GALNT13: variants seen among roughly 807,000 people sequenced by gnomAD.
GALNT13 encodes the protein polypeptide N-acetylgalactosaminyltransferase 13.
GALNT13 carries 28 observed loss-of-function variants against 64.2 expected under a neutral mutation model. That is an observed-to-expected ratio of 0.44 (90% CI 0.32 to 0.60). GALNT13 has a LOEUF of 0.60. GALNT13 is among the 20% of genes least tolerant of loss of function. The pLI is 0.05. For synonymous variants in GALNT13, 214 were observed against 224.6 expected (o/e 0.95, Z 0.42); for missense variants, 577 against 669.8 (o/e 0.86, Z 1.53).
chr2:153,571,226 T>C, the GALNT13 span, among the ~76,000 whole-genome samples: 34 of 152,076 alleles, frequency 2.2e-4, no homozygotes, highest in African/African-American at 7.5e-4. Context: ...CTATTTTAAA[T>C]GGGATTAGTT....
At chr2:153,364,916 A>G in the GALNT13 span, among the ~76,000 whole-genome samples, 1 of 152,190 alleles carries the variant, frequency 6.6e-6, no homozygotes, top group Non-Finnish European at 1.5e-5. Flanking sequence ...TGGAACCAAA[A>G]AGAGCCCATG....
At chr2:153,733,429 A>G in the GALNT13 span, among the ~76,000 whole-genome samples, 50 of 152,262 alleles carry the variant, frequency 3.3e-4, no homozygotes, top group East Asian at 7.2e-3. Flanking sequence ...GCTTCAATAA[A>G]TATATGTAGA....
chr2:154,052,467 C>G (rs1003753570), intron 3 of GALNT13, among the ~76,000 whole-genome samples: 8 of 152,096 alleles, frequency 5.3e-5, no homozygotes. Context: ...TTTTTCTTCT[C>G]AAACTGTCTT....
At chr2:153,780,242 T>TATATATGC in the GALNT13 span, among the ~76,000 whole-genome samples, 3 of 78,498 alleles carry the variant, frequency 3.8e-5, no homozygotes, top group Admixed American at 1.2e-4. Flanking sequence ...TATATATATA[T>TATATATGC]ATATATATAT....
chr2:153,168,069 C>T, the GALNT13 span, among the ~76,000 whole-genome samples: 1 of 152,152 alleles, frequency 6.6e-6, no homozygotes, highest in Non-Finnish European at 1.5e-5. Context: ...AGGTTCCTAG[C>T]ATTTCTCTCT....
At chr2:153,912,215 C>A (rs185474466) in intron 2 of GALNT13, among the ~76,000 whole-genome samples, 1 of 151,888 alleles carries the variant, frequency 6.6e-6, no homozygotes, top group African/African-American at 2.4e-5. Flanking sequence ...CTTGCTATTG[C>A]GTTATGAAAT....
chr2:153,413,392 A>G, the GALNT13 span, among the ~76,000 whole-genome samples: 1 of 152,090 alleles, frequency 6.6e-6, no homozygotes, highest in Non-Finnish European at 1.5e-5. Context: ...TCCCTGAGCA[A>G]AACACCCTTG....
intron 8 of GALNT13, among the ~76,000 whole-genome samples, chr2:154,298,480 ATT>A (rs1693079260): frequency 8.0e-6 from 1 of 125,234 alleles, no homozygotes; most frequent in African/African-American, 2.9e-5. Flanking sequence ...TTATATATAA[ATT>A]ATATATAAAT....
chr2:154,409,570 G>A (rs1243328694), intron 11 of GALNT13, among the ~76,000 whole-genome samples: 1 of 151,954 alleles, frequency 6.6e-6, no homozygotes, highest in Admixed American at 6.6e-5. Context: ...TCTTGTGTGT[G>A]ACAAGAGTTC....
At chr2:153,598,429 T>C in the GALNT13 span, among the ~76,000 whole-genome samples, 3 of 152,056 alleles carry the variant, frequency 2.0e-5, no homozygotes, top group Non-Finnish European at 4.4e-5. Flanking sequence ...TCTTCTTCAA[T>C]TATCATCCTA....
At chr2:154,045,464 G>T (rs1315194388) in intron 3 of GALNT13, among the ~76,000 whole-genome samples, 2 of 152,144 alleles carry the variant, frequency 1.3e-5, no homozygotes, top group Admixed American at 1.3e-4. Flanking sequence ...GTCTTACCTT[G>T]TTTCCAGTTA....
chr2:153,077,452 G>A, the GALNT13 span, among the ~76,000 whole-genome samples: 1 of 152,056 alleles, frequency 6.6e-6, no homozygotes, highest in African/African-American at 2.4e-5. Flanking sequence ...AAGTGTCAGA[G>A]GCAAGTGTTC....
the GALNT13 span, among the ~76,000 whole-genome samples, chr2:153,381,097 CA>C: frequency 6.6e-6 from 1 of 151,866 alleles, no homozygotes; most frequent in South Asian, 2.1e-4. Context: ...TCAGGTGCAC[CA>C]CCAGGCCCAG....
At chr2:153,630,150 A>G in the GALNT13 span, among the ~76,000 whole-genome samples, 1 of 151,732 alleles carries the variant, frequency 6.6e-6, no homozygotes, top group African/African-American at 2.4e-5. Context: ...ATTACTGGGT[A>G]TATACCCAAA....
intron 3 of GALNT13, among the ~76,000 whole-genome samples, chr2:153,980,147 A>G (rs1056449764): frequency 1.1e-4 from 16 of 152,206 alleles, no homozygotes; most frequent in Admixed American, 7.9e-4. Flanking sequence ...GACAGGGAGA[A>G]TGCTAATACT....
chr2:153,415,851 T>A, the GALNT13 span, among the ~76,000 whole-genome samples: 16 of 152,206 alleles, frequency 1.1e-4, no homozygotes, highest in African/African-American at 4.8e-5. Flanking sequence ...AAGCTAGTTT[T>A]AAAATGAACA....
intron 9 of GALNT13, among the ~76,000 whole-genome samples, chr2:154,360,304 A>G (rs906207797): frequency 2.6e-5 from 4 of 152,178 alleles, no homozygotes; most frequent in Non-Finnish European, 4.4e-5. Context: ...AAAGAAAACA[A>G]TAATCCATTT....
intron 3 of GALNT13, among the ~76,000 whole-genome samples, chr2:154,066,379 GT>G (rs1700463335): frequency 6.6e-6 from 1 of 152,064 alleles, no homozygotes; most frequent in South Asian, 2.1e-4. Flanking sequence ...GTACAAAAAG[GT>G]TATAGAACAC....
the GALNT13 span, among the ~76,000 whole-genome samples, chr2:153,829,781 T>A: frequency 1.3e-5 from 2 of 152,246 alleles, no homozygotes; most frequent in Non-Finnish European, 2.9e-5. Context: ...AAATTAATAT[T>A]TTGCAAATTC....
Sources: allele counts gnomAD v4.1 joint callset (sites outside exome capture counted in the v4.1 genomes callset), GRCh38; gene constraint gnomAD v4.1.1; transcripts MANE v1.5; gene names NCBI Gene and HGNC (gene_info 2026-07-23, HGNC 2026-07-21).